The following BMP7 variants were observed in gnomAD, a reference collection of about 807,000 sequenced individuals.
BMP7 encodes the protein osteogenic protein 1.
Under a neutral mutation model 41.2 loss-of-function variants are expected in BMP7, and 12 were observed. The observed-to-expected ratio is 0.29, with a 90% CI of 0.19 to 0.47. BMP7 has a LOEUF of 0.47. Ranked by LOEUF, BMP7 falls within the 20% of genes least tolerant of loss-of-function variation. The pLI is 0.99. For synonymous variants in BMP7, 248 were observed against 250.0 expected (o/e 0.99, Z 0.07); for missense variants, 467 against 606.0 (o/e 0.77, Z 2.41).
intron 1 of BMP7, among the ~76,000 whole-genome samples, chr20:57,251,793 G>A (rs1417689694): frequency 6.6e-6 from 1 of 152,172 alleles, no homozygotes; most frequent in African/African-American, 2.4e-5. Flanking sequence ...AATTATCTGG[G>A]CGTGGTGATG....
chr20:57,247,570 C>T (rs1412140956), intron 1 of BMP7, among the ~76,000 whole-genome samples: 4 of 152,226 alleles, frequency 2.6e-5, no homozygotes, highest in Non-Finnish European at 5.9e-5. Flanking sequence ...TCACGTTAGT[C>T]TCCCACGGGA....
chr20:57,236,724 G>A (rs1600638132), intron 1 of BMP7, among the ~76,000 whole-genome samples: 1 of 150,568 alleles, frequency 6.6e-6, no homozygotes. Flanking sequence ...TGGTTGCTCA[G>A]AGACCTCAGG....
chr20:57,195,870 C>T (rs1984479757), intron 3 of BMP7, among the ~76,000 whole-genome samples: 1 of 152,206 alleles, frequency 6.6e-6, no homozygotes, highest in South Asian at 2.1e-4. Flanking sequence ...CTCCTGACCC[C>T]CAGCAGACTT....
intron 3 of BMP7, among the ~76,000 whole-genome samples, chr20:57,200,174 T>G (rs1984589030): frequency 6.6e-6 from 1 of 152,194 alleles, no homozygotes; most frequent in Admixed American, 6.5e-5. Context: ...ACTGAGCAAT[T>G]AAACTCTTCA....
intron 4 of BMP7, among the ~76,000 whole-genome samples, chr20:57,175,515 A>G (rs1450559486): frequency 2.6e-5 from 4 of 152,230 alleles, no homozygotes; most frequent in Non-Finnish European, 4.4e-5. Flanking sequence ...GCAAGAAGAA[A>G]TGAGACAGCA....
chr20:57,265,373 G>T (rs924675386), intron 1 of BMP7, among the ~76,000 whole-genome samples: 2 of 152,264 alleles, frequency 1.3e-5, no homozygotes, highest in Admixed American at 6.5e-5. Flanking sequence ...GAGCCGCGCC[G>T]GCCCGGGACA....
At chr20:57,205,738 G>T (rs572410879) in intron 2 of BMP7, among the ~76,000 whole-genome samples, 2 of 152,212 alleles carry the variant, frequency 1.3e-5, no homozygotes, top group Non-Finnish European at 2.9e-5. Context: ...TTTAAACAGA[G>T]AACGCCTCGC....
chr20:57,185,592 TACTTGAC>T (rs1984191492), intron 3 of BMP7, among the ~76,000 whole-genome samples: 1 of 152,250 alleles, frequency 6.6e-6, no homozygotes, highest in South Asian at 2.1e-4. Flanking sequence ...ATGAAATCCC[TACTTGAC>T]ACCAAAAGGA....
chr20:57,249,047 C>T (rs965537311), intron 1 of BMP7, among the ~76,000 whole-genome samples: 3 of 151,916 alleles, frequency 2.0e-5, no homozygotes, highest in Non-Finnish European at 2.9e-5. Flanking sequence ...ATGATCTGCC[C>T]GCCTCGGCCT....
chr20:57,255,501 A>G (rs1352942064), intron 1 of BMP7, among the ~76,000 whole-genome samples: 11 of 151,764 alleles, frequency 7.2e-5, no homozygotes, highest in Admixed American at 7.2e-4. Flanking sequence ...TGCCTGGACT[A>G]AGAAATGTCT....
chr20:57,195,653 C>T (rs1415799882), intron 3 of BMP7, among the ~76,000 whole-genome samples: 6 of 152,382 alleles, frequency 3.9e-5, no homozygotes, highest in Non-Finnish European at 7.3e-5. Flanking sequence ...CCACAGCCGC[C>T]GCAGGCGAGT....
At chr20:57,253,440 A>G (rs1033862057) in intron 1 of BMP7, among the ~76,000 whole-genome samples, 3 of 152,246 alleles carry the variant, frequency 2.0e-5, no homozygotes, top group Admixed American at 2.0e-4. Context: ...ACCATAAACT[A>G]ACAGCTGCTT....
chr20:57,238,920 C>T (rs1038495182), intron 1 of BMP7, among the ~76,000 whole-genome samples: 4 of 152,106 alleles, frequency 2.6e-5, no homozygotes, highest in East Asian at 1.9e-4. Flanking sequence ...TTACCTCCCC[C>T]GAGTCCCTCC....
chr20:57,191,996 T>C (rs1984370870), intron 3 of BMP7, among the ~76,000 whole-genome samples: 1 of 125,874 alleles, frequency 7.9e-6, no homozygotes, highest in South Asian at 2.3e-4. Context: ...TGTATATTAT[T>C]GTATATGTAA....
intron 2 of BMP7, among the ~76,000 whole-genome samples, chr20:57,217,734 G>A (rs957612235): frequency 3.9e-5 from 6 of 152,166 alleles, no homozygotes; most frequent in Admixed American, 2.6e-4. Flanking sequence ...GTGGCGTCCT[G>A]GACAGGACAG....
intron 2 of BMP7, among the ~76,000 whole-genome samples, 197 bp from the exon 3 acceptor site, chr20:57,202,820 G>A (rs892554054): frequency 1.3e-5 from 2 of 152,198 alleles, no homozygotes; most frequent in African/African-American, 2.4e-5. Flanking sequence ...GAGTGCAGAA[G>A]AGCTACAAAG....
chr20:57,188,305 G>A (rs567513275), intron 3 of BMP7, among the ~76,000 whole-genome samples: 15 of 152,254 alleles, frequency 9.9e-5, no homozygotes, highest in African/African-American at 3.6e-4. Context: ...ATACAACACG[G>A]ACAAACCTTC....
chr20:57,173,628 A>T (rs1983859348), intron 5 of BMP7: 3 of 459,498 alleles, frequency 6.5e-6, no homozygotes, highest in Non-Finnish European at 7.9e-6. Context: ...ACAGAGCAAG[A>T]CCCCATTTCT....
In BMP7 at chr20:57,266,161, G is replaced by A. The variant is rs1487485523; in HGVS notation, c.-39C>T. 3 of 1,474,920 alleles carry A rather than the reference G, an allele frequency of 2.0e-6. No individual in the cohort carries two copies. Among genetic ancestry groups the A allele is most frequent in the East Asian group, 5.2e-5 (2 of 38,780 alleles). The allele number at this position is 1,474,920 out of a possible 1,614,324, so 91.4% of individuals were successfully genotyped here. A position where few individuals can be genotyped will look rare whatever the true frequency, so the allele number is the denominator to read the frequency against. On this transcript the variant is annotated 5_prime_UTR_variant, in exon 1 of 7. Coordinates refer to ENST00000395863, the MANE Select transcript of BMP7 (RefSeq NM_001719.3). ...CGCGCTACCCGGGCTCCGGGCTCCG[G>A]GCCCGCACCGCCCCAGGTGGCAGAG... is the stretch of plus-strand genomic sequence containing the variant.
Sources: gnomAD v4.1 joint callset for allele counts (sites outside exome capture counted in the v4.1 genomes callset) on GRCh38, gnomAD v4.1.1 for gene constraint, MANE v1.5 for transcripts, NCBI Gene and HGNC (gene_info 2026-07-23, HGNC 2026-07-21) for gene names.